The following TMEM117 variants were observed in gnomAD, a reference collection of about 807,000 sequenced individuals.
The protein encoded by TMEM117 is transmembrane protein 117.
In TMEM117, 27 loss-of-function variants were observed where a neutral mutation model predicts 52.4. That is an observed-to-expected ratio of 0.51 (90% CI 0.38 to 0.71). The LOEUF (loss-of-function observed/expected upper bound fraction) is 0.71. Among genes scored for constraint, TMEM117 ranks in the 30% least tolerant of loss-of-function variants. The pLI, the probability that TMEM117 is intolerant of heterozygous loss-of-function variation, is 0.00. For synonymous variants in TMEM117, 215 were observed against 206.3 expected, an observed-to-expected ratio of 1.04 and a Z score of -0.36; for missense variants, 556 against 630.5, an observed-to-expected ratio of 0.88 and a Z score of 1.26.
At chr12:44,193,884 C>T (rs1949385934) in intron 4 of TMEM117, among the ~76,000 whole-genome samples, 1 of 152,178 alleles carries the variant, frequency 6.6e-6, no homozygotes, top group Admixed American at 6.5e-5. Context: ...AAAATATCTC[C>T]ACAAATAAAT....
At chr12:44,165,772 C>T (rs1048274291) in intron 4 of TMEM117, among the ~76,000 whole-genome samples, 5 of 152,148 alleles carry the variant, frequency 3.3e-5, no homozygotes, top group African/African-American at 1.2e-4. Context: ...AATACAATAA[C>T]AGTTGGGGAC....
chr12:44,371,437 G>A (rs1369666967), intron 6 of TMEM117, among the ~76,000 whole-genome samples: 1 of 152,104 alleles, frequency 6.6e-6, no homozygotes, highest in Non-Finnish European at 1.5e-5. Flanking sequence ...AGAATTTATA[G>A]CTTTTCACTA....
Position 44,048,395 on chromosome 12 carries a change from C to T in TMEM117, c.411-95130C>T, listed in dbSNP as rs182463437. 3.9e-5 allele frequency among the ~76,000 whole-genome samples: 6 copies of T among 151,982 alleles called. No homozygotes were observed. The East Asian group carries it at 1.2e-3, about 29-fold the overall frequency. ...CATCTCTCTTTTTTCACTTTATTTG[C>T]ATTTGTTTTACTGTTATTTTTGTAA... is the stretch of plus-strand genomic sequence containing the variant. On this transcript the variant is annotated intron_variant, in intron 3 of 7. Transcript: ENST00000266534.
At chr12:44,245,747 C>T (rs1444554338) in intron 5 of TMEM117, among the ~76,000 whole-genome samples, 1 of 151,910 alleles carries the variant, frequency 6.6e-6, no homozygotes, top group Admixed American at 6.6e-5. Flanking sequence ...CTGCTGAGAA[C>T]TCTGGATAGT....
intron 7 of TMEM117, among the ~76,000 whole-genome samples, chr12:44,381,618 C>T (rs924880970): frequency 2.6e-5 from 4 of 152,132 alleles, no homozygotes; most frequent in Non-Finnish European, 1.5e-5. Context: ...CGATGATGCC[C>T]ACGGGAACCC....
At chr12:44,349,012 G>T (rs888303554) in intron 6 of TMEM117, among the ~76,000 whole-genome samples, 5 of 151,878 alleles carry the variant, frequency 3.3e-5, no homozygotes, top group African/African-American at 9.7e-5. Context: ...AACATGCTTT[G>T]GTTGAAAGCC....
At chr12:43,932,552 A>G (rs1253027384) in intron 2 of TMEM117, among the ~76,000 whole-genome samples, 1 of 152,210 alleles carries the variant, frequency 6.6e-6, no homozygotes, top group Non-Finnish European at 1.5e-5. Context: ...ACCTTAAAGT[A>G]CATCAAAAGA....
intron 2 of TMEM117, among the ~76,000 whole-genome samples, chr12:43,901,472 A>G (rs920625236): frequency 6.6e-5 from 10 of 152,154 alleles, no homozygotes; most frequent in Non-Finnish European, 1.3e-4. Flanking sequence ...CACCAAGCCC[A>G]GCTAATTTTT....
chr12:44,092,306 T>G (rs1947687021), intron 3 of TMEM117, among the ~76,000 whole-genome samples: 1 of 152,202 alleles, frequency 6.6e-6, no homozygotes, highest in African/African-American at 2.4e-5. Flanking sequence ...TGAAAGCATA[T>G]TTCCAGTCAC....
chr12:43,848,622 C>T (rs1943252846), intron 2 of TMEM117, among the ~76,000 whole-genome samples: 1 of 151,644 alleles, frequency 6.6e-6, no homozygotes, highest in Non-Finnish European at 1.5e-5. Context: ...TTTCAAGGTG[C>T]ACTAATTTCA....
chr12:43,959,973 T>C (rs1401597337), intron 3 of TMEM117, among the ~76,000 whole-genome samples: 4 of 152,068 alleles, frequency 2.6e-5, no homozygotes, highest in Non-Finnish European at 5.9e-5. Context: ...CAGGAGCTAG[T>C]GTGGGAAGAG....
intron 6 of TMEM117, among the ~76,000 whole-genome samples, chr12:44,374,961 C>A (rs1402535360): frequency 1.3e-5 from 2 of 151,948 alleles, no homozygotes; most frequent in Non-Finnish European, 2.9e-5. Flanking sequence ...CTTTGTCAAG[C>A]ATAATTTTTC....
intron 3 of TMEM117, among the ~76,000 whole-genome samples, chr12:44,061,025 C>G (rs1398275036): frequency 1.3e-5 from 2 of 152,104 alleles, no homozygotes; most frequent in Non-Finnish European, 2.9e-5. Flanking sequence ...ATTTTTATAA[C>G]AACCCAATTA....
At chr12:44,250,971 T>G (rs1334661447) in intron 5 of TMEM117, among the ~76,000 whole-genome samples, 2 of 152,096 alleles carry the variant, frequency 1.3e-5, no homozygotes, top group African/African-American at 4.8e-5. Context: ...AACCTACACG[T>G]TCTGCACTTG....
At position 44,145,960 on chromosome 12, in the gene TMEM117, C is replaced by A. The variant is rs141037854; in HGVS notation, c.510+2336C>A. ...CCAATTCTATCCAATTCTTCCCCAG[C>A]CATTTCTTCAAGATGTTGCTTTCTG... On this transcript the variant is annotated intron_variant, in intron 4 of 7. Transcript: ENST00000266534. 3.1e-4 allele frequency among the ~76,000 whole-genome samples: 47 copies of A among 152,296 alleles called. No individual in the cohort carries two copies. In the East Asian group the frequency reaches 8.3e-3, roughly 27 times the overall value.
At chr12:43,837,192 A>G (rs1451939898) in intron 1 of TMEM117, among the ~76,000 whole-genome samples, 1 of 152,146 alleles carries the variant, frequency 6.6e-6, no homozygotes, top group African/African-American at 2.4e-5. Flanking sequence ...GATCCGTGTG[A>G]TGAGAAACTG....
chr12:44,250,359 G>T (rs1950182233), intron 5 of TMEM117, among the ~76,000 whole-genome samples: 2 of 152,116 alleles, frequency 1.3e-5, no homozygotes, highest in Admixed American at 1.3e-4. Context: ...CGAGGCTGTG[G>T]AGAAATAGGA....
rs1950812425 is a variant in TMEM117 at position 44,299,567 on chromosome 12, T to G, written c.609-13T>G. ...TGCCTTATGTTCTTTAATGAGTGTC[T>G]TGTTCCTTACAGGACAGTTCTTTTT... On this transcript the variant is annotated splice_polypyrimidine_tract_variant and intron_variant, in intron 5 of 7. Transcript: ENST00000266534. 1 of 1,613,732 alleles carries G rather than the reference T, an allele frequency of 6.2e-7. No individual in the cohort carries two copies. Among genetic ancestry groups the G allele is most frequent in the South Asian group, 1.1e-5 (1 of 91,056 alleles).
At chr12:43,799,327 C>T in the TMEM117 span, 1 of 992,456 alleles carries the variant, frequency 1.0e-6, no homozygotes, top group East Asian at 2.7e-5. Flanking sequence ...TATCCTCCCA[C>T]ATCTATTAAT....
Sources: gnomAD v4.1 joint callset for allele counts (sites outside exome capture counted in the v4.1 genomes callset) on GRCh38, gnomAD v4.1.1 for gene constraint, MANE v1.5 for transcripts, NCBI Gene and HGNC (gene_info 2026-07-23, HGNC 2026-07-21) for gene names.